Variants in DNAH8 observed in about 807,000 individuals in gnomAD.
The protein encoded by DNAH8 is axonemal beta dynein heavy chain 8.
DNAH8 carries 382 observed loss-of-function variants against 562.1 expected under a neutral mutation model. The ratio of observed to expected loss-of-function variants is 0.68; its 90% CI spans 0.63 to 0.74. The LOEUF is 0.74. DNAH8 is among the 30% of genes least tolerant of loss of function. The pLI is 0.00. For missense variants in DNAH8, 5,203 were observed against 5,620.4 expected (o/e 0.93, Z 2.37); for synonymous variants, 1,881 against 1,919.4 (o/e 0.98, Z 0.52).
intron 3 of DNAH8, among the ~76,000 whole-genome samples, chr6:38,729,529 AAC>A (rs1450210960): frequency 6.6e-6 from 1 of 152,212 alleles, no homozygotes; most frequent in Non-Finnish European, 1.5e-5. Flanking sequence ...ATTGGTCAAC[AAC>A]ACAGTTAATC....
chr6:38,715,949 TATATATA>T (rs1412213767), intron 1 of DNAH8, among the ~76,000 whole-genome samples: 9 of 25,308 alleles, frequency 3.6e-4, no homozygotes, highest in Non-Finnish European at 6.6e-4. Context: ...TATATATATA[TATATATA>T]TATATTTTTT....
chr6:38,785,639 C>A (rs774556832), intron 17 of DNAH8, among the ~76,000 whole-genome samples: 1 of 152,188 alleles, frequency 6.6e-6, no homozygotes, highest in Non-Finnish European at 1.5e-5. Context: ...CCTTGCTCCC[C>A]ACCCCCCGAC....
chr6:38,725,024 C>T (rs761607835), intron 3 of DNAH8, among the ~76,000 whole-genome samples: 3 of 152,014 alleles, frequency 2.0e-5, no homozygotes, highest in Non-Finnish European at 2.9e-5. Context: ...TACTCCCGGC[C>T]GGGCGCAGTA....
chr6:38,924,235 G>A, intron 73 of DNAH8, 73 bp downstream of exon 73: 1 of 1,479,932 alleles, frequency 6.8e-7, no homozygotes, highest in Non-Finnish European at 9.2e-7. Context: ...AAACCCGGCT[G>A]GGTGTGGTGG....
intron 82 of DNAH8, among the ~76,000 whole-genome samples, chr6:38,956,073 C>T (rs565854546): frequency 5.3e-5 from 8 of 152,332 alleles, no homozygotes; most frequent in African/African-American, 1.9e-4. Flanking sequence ...TCGATCTTGG[C>T]AGTGAACTTG....
chr6:38,991,855 C>T (rs574112632), intron 88 of DNAH8, among the ~76,000 whole-genome samples: 2 of 152,308 alleles, frequency 1.3e-5, no homozygotes, highest in African/African-American at 4.8e-5. Flanking sequence ...TCAATGATGC[C>T]TTCCCTGGCT....
At chr6:38,992,900 T>C (rs1337032267) in intron 88 of DNAH8, among the ~76,000 whole-genome samples, 3 of 152,202 alleles carry the variant, frequency 2.0e-5, no homozygotes, top group Admixed American at 2.0e-4. Flanking sequence ...ATTCATACGC[T>C]CCATCGAGAT....
chr6:38,952,502 CT>C (rs1441115639), intron 82 of DNAH8, among the ~76,000 whole-genome samples: 3 of 152,254 alleles, frequency 2.0e-5, no homozygotes, highest in Middle Eastern at 3.4e-3. Flanking sequence ...CCAATCATGT[CT>C]TTTGAGTATT....
Position 38,969,259 on chromosome 6 carries a change from T to C in DNAH8, c.12452-2333T>C, listed in dbSNP as rs180814446. ...AAAGTATACACTTTATAATGAAGTA[T>C]ATATTTCATAATTTATATGGAAATT... On this transcript the variant is annotated intron_variant, in intron 82 of 92. Coordinates refer to ENST00000327475, the MANE Select transcript of DNAH8 (RefSeq NM_001206927.2). Among the ~76,000 whole-genome samples, 7 of 152,336 alleles carry C rather than the reference T, an allele frequency of 4.6e-5. No homozygotes were observed. In the East Asian group the frequency reaches 1.2e-3, roughly 25 times the overall value.
At chr6:38,951,233 A>T in intron 81 of DNAH8, 85 bp from the exon 82 acceptor site, 1 of 1,178,972 alleles carries the variant, frequency 8.5e-7, no homozygotes, top group Non-Finnish European at 1.2e-6. Flanking sequence ...CCCTTTTGCT[A>T]ATTAAATGTA....
intron 5 of DNAH8, among the ~76,000 whole-genome samples, chr6:38,736,234 C>T (rs142530058): frequency 1.8e-4 from 27 of 152,258 alleles, no homozygotes; most frequent in East Asian, 3.9e-4. Context: ...ATTCTTCCAA[C>T]GTAGTTATAT....
chr6:39,007,892 G>A (rs1765893586), intron 88 of DNAH8, among the ~76,000 whole-genome samples: 1 of 150,344 alleles, frequency 6.7e-6, no homozygotes, highest in Non-Finnish European at 1.5e-5. Flanking sequence ...ATTACCTCTG[G>A]CACACAAACA....
chr6:38,716,682 A>G (rs901244791), intron 1 of DNAH8: 2 of 152,126 alleles, frequency 1.3e-5, no homozygotes, highest in African/African-American at 4.8e-5. Flanking sequence ...TTTGCTTTGG[A>G]GAAGTCCTTA....
At chr6:38,822,595 C>G (rs1329614819) in intron 26 of DNAH8, among the ~76,000 whole-genome samples, 1 of 152,102 alleles carries the variant, frequency 6.6e-6, no homozygotes, top group Non-Finnish European at 1.5e-5. Context: ...TTCAGTTATC[C>G]TCTCCGAATA....
chr6:38,836,829 G>A (rs1774345358), intron 32 of DNAH8, among the ~76,000 whole-genome samples: 1 of 152,082 alleles, frequency 6.6e-6, no homozygotes, highest in South Asian at 2.1e-4. Flanking sequence ...TGTTGACAAA[G>A]CTGATACTTT....
intron 32 of DNAH8, among the ~76,000 whole-genome samples, 169 bp downstream of exon 32, chr6:38,834,810 A>G (rs1774142718): frequency 1.3e-5 from 2 of 152,198 alleles, no homozygotes; most frequent in South Asian, 2.1e-4. Context: ...GTCTCCCTCC[A>G]TGCTCCTCTC....
chr6:38,940,400 T>TG (rs1783344472), intron 79 of DNAH8, among the ~76,000 whole-genome samples: 1 of 151,912 alleles, frequency 6.6e-6, no homozygotes, highest in East Asian at 1.9e-4. Flanking sequence ...AGGGTTGGAG[T>TG]GGGGGATTGC....
chr6:38,781,087 T>C (rs1414160908), intron 15 of DNAH8, among the ~76,000 whole-genome samples, 167 bp from the exon 16 acceptor site: 3 of 152,186 alleles, frequency 2.0e-5, no homozygotes, highest in Non-Finnish European at 4.4e-5. Context: ...GTCAACATCA[T>C]TGTTTCAAAA....
intron 53 of DNAH8, among the ~76,000 whole-genome samples, chr6:38,878,811 G>A (rs1778224131): frequency 6.6e-6 from 1 of 152,136 alleles, no homozygotes; most frequent in Non-Finnish European, 1.5e-5. Context: ...GTTAATAACT[G>A]TGTTGTACAT....
Sources: allele counts gnomAD v4.1 joint callset (sites outside exome capture counted in the v4.1 genomes callset), GRCh38; gene constraint gnomAD v4.1.1; transcripts MANE v1.5; gene names NCBI Gene and HGNC (gene_info 2026-07-23, HGNC 2026-07-21).